MX2: variants seen among roughly 807,000 people sequenced by gnomAD.
MX2 encodes MX dynamin like GTPase 2.
MX2 carries 51 observed loss-of-function variants against 74.0 expected under a neutral mutation model. The ratio of observed to expected loss-of-function variants is 0.69; its 90% CI spans 0.55 to 0.87. The LOEUF (loss-of-function observed/expected upper bound fraction) is 0.87. Ranked by LOEUF, MX2 falls within the 40% of genes least tolerant of loss-of-function variation. The pLI is 0.00. For synonymous variants in MX2, 369 were observed against 339.3 expected (o/e 1.09, Z -0.96); for missense variants, 832 against 908.7 (o/e 0.92, Z 1.09).
intron 3 of MX2, among the ~76,000 whole-genome samples, chr21:41,378,554 T>C (rs1391909477): frequency 6.6e-6 from 1 of 152,248 alleles, no homozygotes; most frequent in Non-Finnish European, 1.5e-5. Flanking sequence ...GTCTCAATGT[T>C]TTGAAAACCT....
Position 41,380,213 on chromosome 21 carries a change from T to C in MX2, c.577+62T>C. The C allele has an allele frequency of 6.2e-7, 1 of 1,602,938 alleles. No homozygotes were observed. The highest frequency in any genetic ancestry group is 8.5e-7 in the Non-Finnish European group (1 of 1,173,480). On this transcript the variant is annotated intron_variant, in intron 4 of 13. Coordinates refer to ENST00000330714, the MANE Select transcript of MX2 (RefSeq NM_002463.2). This position sits in a 1 kb window ranked among gnomAD's most constrained non-coding sequence, Gnocchi z 4.3. ...CCGCTCCTCTCACTTCCTCGGTTCC[T>C]TCTCCTCTTCCTCAAGTCACCCCCA...
At chr21:41,390,499 G>C in intron 5 of MX2, 66 bp from the exon 6 acceptor site, 3 of 1,603,210 alleles carry the variant, frequency 1.9e-6, no homozygotes, top group Non-Finnish European at 2.6e-6. Flanking sequence ...CTGCCTGCCT[G>C]GCCGTGCTGC....
rs201382136 is a variant in MX2, at chr21:41,382,456, C to G, written c.624C>G (p.Leu208=). The change falls in exon 5 of 14, where the codon CTC becomes CTG. Residue 208 remains leucine, a synonymous_variant. Transcript: ENST00000330714. The stretch of plus-strand genomic sequence containing the variant: ...ATGGCCGGGGCATCAGCCATGAGCT[C>G]ATCAGCCTGGAGATCACCTCCCCTG... ...AGNGRGISHE[L]ISLEITSPEV... 1.7e-5 allele frequency: 27 copies of G among 1,614,186 alleles called. No homozygotes were observed. The highest frequency in any genetic ancestry group is 1.9e-5 in the Non-Finnish European group (23 of 1,180,038).
rs2089482012 is a variant in MX2, at chr21:41,380,945, A to T, written c.577+794A>T. Among the ~76,000 whole-genome samples, 1 of 151,606 alleles carries T rather than the reference A, an allele frequency of 6.6e-6. No homozygotes were observed. ...GAAAAACAATCCTGAATGTACTAAGACTCCCTGCAGGGAGGAACTAAGTCC... is the reference window on the plus strand; with the variant it reads ...GAAAAACAATCCTGAATGTACTAAGTCTCCCTGCAGGGAGGAACTAAGTCC... On this transcript the variant is annotated intron_variant, in intron 4 of 13. Transcript: ENST00000330714. This position sits in a 1 kb window ranked among gnomAD's most constrained non-coding sequence, Gnocchi z 4.3.
Position 41,408,423 on chromosome 21 carries a change from T to A in MX2, c.*190T>A. The stretch of plus-strand genomic sequence containing the variant: ...GGCTCAGCTCTCTCCACCACCCAGC[T>A]CTTCCCTGACCTTCACGAAGGGATG... On this transcript the variant is annotated 3_prime_UTR_variant, in exon 14 of 14. Transcript: ENST00000330714. 1 of 744,196 alleles carries A rather than the reference T, an allele frequency of 1.3e-6. No homozygotes were observed. The highest frequency in any genetic ancestry group is 2.1e-6 in the Non-Finnish European group (1 of 471,610). The allele number at this position is 744,196 out of a possible 1,614,324, so 46.1% of individuals were successfully genotyped here.
chr21:41,371,216 C>A (rs763974807), intron 1 of MX2, among the ~76,000 whole-genome samples: 4 of 152,114 alleles, frequency 2.6e-5, no homozygotes, highest in African/African-American at 4.8e-5. Context: ...CTGTCCACTC[C>A]CAAAGCCGAC....
chr21:41,404,898 GAAAA>G (rs964431541), intron 12 of MX2: 1 of 130,722 alleles, frequency 7.6e-6, no homozygotes, highest in Non-Finnish European at 1.7e-5. Context: ...AAAAGAAAAA[GAAAA>G]AAAAAAGAGA....
chr21:41,403,607 A>C, intron 12 of MX2: 1 of 696,380 alleles, frequency 1.4e-6, no homozygotes, highest in Non-Finnish European at 2.7e-6. Context: ...GACCTTACGC[A>C]GGATGTGGGG....
chr21:41,363,363 C>T lies in MX2; in HGVS notation c.-72+1308C>T, dbSNP rs942712708. The T allele has an allele frequency of 4.6e-5, 7 of 152,196 alleles. No homozygotes were observed. The highest frequency in any genetic ancestry group is 5.9e-5 in the Non-Finnish European group (4 of 68,120). 9.4% of individuals were successfully genotyped at this position (152,196 alleles called of 1,614,324 possible). A position where few individuals can be genotyped will look rare whatever the true frequency, so the allele number is the denominator to read the frequency against. On this transcript the variant is annotated intron_variant, in intron 1 of 13. Transcript: ENST00000330714. This position sits in a 1 kb window ranked among gnomAD's most constrained non-coding sequence, Gnocchi z 4.2. ...CCGGGCTCAAGTGATCCTCCTGCCT[C>T]GGCCTCCCAATGCATTGGGATTACA...
In MX2 at chr21:41,397,353, T is replaced by A. The variant is rs116261774; in HGVS notation, c.1071-260T>A. Among the ~76,000 whole-genome samples the A allele has an allele frequency of 5.3e-3, 805 of 152,340 alleles. 8 individuals carry two copies. Among genetic ancestry groups the A allele is most frequent in the African/African-American group, 0.018 (761 of 41,574 alleles). On this transcript the variant is annotated intron_variant, in intron 7 of 13. Transcript: ENST00000330714. ...GCAACTCACTTAATCTCCATGAGGCTGGGTTTGTTTTCCTGTAGCTAAGAT... is the reference window on the plus strand; with the variant it reads ...GCAACTCACTTAATCTCCATGAGGCAGGGTTTGTTTTCCTGTAGCTAAGAT...
intron 5 of MX2, among the ~76,000 whole-genome samples, chr21:41,382,828 G>A (rs571574055): frequency 2.0e-5 from 3 of 152,348 alleles, no homozygotes; most frequent in East Asian, 1.9e-4. Flanking sequence ...CTGTGAACCC[G>A]GTGTGATCAG....
intron 6 of MX2, among the ~76,000 whole-genome samples, chr21:41,393,357 C>T (rs2089689194): frequency 6.6e-6 from 1 of 152,142 alleles, no homozygotes; most frequent in African/African-American, 2.4e-5. Context: ...CCTGTGCCCT[C>T]TTAAGACAGA....
chr21:41,391,540 G>A lies in MX2; in HGVS notation c.871+837G>A, dbSNP rs79646677. Among the ~76,000 whole-genome samples the A allele has an allele frequency of 3.2e-3, 487 of 151,896 alleles. 3 individuals carry two copies. Among genetic ancestry groups the A allele is most frequent in the African/African-American group, 0.01 (426 of 41,412 alleles). On this transcript the variant is annotated intron_variant, in intron 6 of 13. Transcript: ENST00000330714. ...TGAGACTACATGCACATGCCATCACGCCTGGCTAATTTTGTATTTTCAGTA... is the reference window on the plus strand; with the variant it reads ...TGAGACTACATGCACATGCCATCACACCTGGCTAATTTTGTATTTTCAGTA...
intron 4 of MX2, among the ~76,000 whole-genome samples, chr21:41,381,413 C>T (rs965966464): frequency 6.6e-6 from 1 of 152,150 alleles, no homozygotes; most frequent in Non-Finnish European, 1.5e-5. Flanking sequence ...GGGCCAGGCG[C>T]GGTGGCTCAA....
intron 7 of MX2, among the ~76,000 whole-genome samples, chr21:41,396,872 T>A (rs1393814955): frequency 6.6e-6 from 1 of 152,226 alleles, no homozygotes; most frequent in African/African-American, 2.4e-5. Context: ...AAAATTGTGC[T>A]AGCTCTGTCC....
chr21:41,407,134 A>G (rs1042413453), intron 13 of MX2, 136 bp downstream of exon 13: 10 of 775,686 alleles, frequency 1.3e-5, no homozygotes, highest in Middle Eastern at 3.8e-4. Flanking sequence ...CTGTATTATG[A>G]TAAACTACTT....
At chr21:41,394,463 C>T (rs1009304294) in intron 6 of MX2, among the ~76,000 whole-genome samples, 2 of 152,194 alleles carry the variant, frequency 1.3e-5, no homozygotes, top group Admixed American at 1.3e-4. Context: ...GAGACTACAT[C>T]ACGCACCGCT....
chr21:41,406,775 C>G lies in MX2; in HGVS notation c.1682C>G (p.Thr561Arg), dbSNP rs1315675751. 1 of 1,614,194 alleles carries G rather than the reference C, an allele frequency of 6.2e-7. No individual in the cohort carries two copies. The highest frequency in any genetic ancestry group is 2.2e-5 in the East Asian group (1 of 44,884). The change falls in exon 13 of 14, where the codon ACA (threonine) becomes AGA (arginine). Residue 561 changes from threonine (T) to arginine (R), a missense_variant. By Grantham distance (71) the Thr-to-Arg change is moderately conservative. Coordinates refer to ENST00000330714, the MANE Select transcript of MX2 (RefSeq NM_002463.2). ...STIEDIKVKHTAKAENMIQLQ... is the reference protein window; with the variant it reads ...STIEDIKVKHRAKAENMIQLQ... ...ATTGAAGACATAAAAGTGAAACACA[C>G]AGCAAAGGCAGAAAACATGATCCAA...
chr21:41,396,338 A>G (rs774282202), intron 7 of MX2, among the ~76,000 whole-genome samples: 1 of 152,234 alleles, frequency 6.6e-6, no homozygotes, highest in Non-Finnish European at 1.5e-5. Context: ...TTAAATAGAA[A>G]TTATCCTATA....
Sources: gnomAD v4.1 joint callset for allele counts (sites outside exome capture counted in the v4.1 genomes callset) on GRCh38, gnomAD v4.1.1 for gene constraint, Gnocchi (gnomAD v3.1) non-coding constraint, MANE v1.5 for transcripts, NCBI Gene and HGNC (gene_info 2026-07-23, HGNC 2026-07-21) for gene names.